Variants in KCNMA1 observed in about 807,000 individuals in gnomAD.
KCNMA1 encodes the protein potassium calcium-activated channel subfamily M alpha 1, also known as Calcium-activated potassium channel subunit alpha-1.
In KCNMA1, 29 loss-of-function variants were observed where a neutral mutation model predicts 140.0. The observed-to-expected ratio is 0.21, with a 90% confidence interval of 0.15 to 0.28. The LOEUF is 0.28. KCNMA1 is among the 10% of genes least tolerant of loss of function. The pLI, the probability that KCNMA1 is intolerant of heterozygous loss-of-function variation, is 1.00. For synonymous variants in KCNMA1, 612 were observed against 611.9 expected (o/e 1.00, Z 0.00); for missense variants, 880 against 1,602.2 (o/e 0.55, Z 7.70).
At chr10:77,617,282 A>G (rs2089915470) in intron 1 of KCNMA1, among the ~76,000 whole-genome samples, 1 of 152,152 alleles carries the variant, frequency 6.6e-6, no homozygotes, top group Admixed American at 6.5e-5. Flanking sequence ...TTCCACTCTC[A>G]ATGCTCCAGG....
chr10:77,027,760 G>T, intron 16 of KCNMA1, 63 bp downstream of exon 16: 1 of 1,311,476 alleles, frequency 7.6e-7, no homozygotes, highest in Non-Finnish European at 1.1e-6. Context: ...TGAACCGACC[G>T]TTCTCAGAAC....
At chr10:77,434,747 G>A (rs1603618752) in intron 1 of KCNMA1, among the ~76,000 whole-genome samples, 1 of 152,180 alleles carries the variant, frequency 6.6e-6, no homozygotes, top group African/African-American at 2.4e-5. Context: ...TTGGCTAGTG[G>A]GAGATTCCCC....
intron 1 of KCNMA1, among the ~76,000 whole-genome samples, chr10:77,599,266 T>G (rs2081899541): frequency 6.6e-6 from 1 of 152,244 alleles, no homozygotes; most frequent in South Asian, 2.1e-4. Context: ...TTATTTGCTG[T>G]TGGTCTATCA....
At chr10:77,391,646 T>C (rs1013408257) in intron 2 of KCNMA1, among the ~76,000 whole-genome samples, 1 of 149,248 alleles carries the variant, frequency 6.7e-6, no homozygotes, top group African/African-American at 2.6e-5. Context: ...GTTTGTTTGT[T>C]TTTTTCTGGA....
intron 24 of KCNMA1, 192 bp from the exon 25 acceptor site, chr10:76,910,288 A>C (rs1001564252): frequency 4.9e-6 from 3 of 612,278 alleles, no homozygotes; most frequent in Non-Finnish European, 8.7e-6. Context: ...GTCACTGTTT[A>C]AGTGTCTGAG....
At chr10:77,613,182 AT>A (rs1477847663) in intron 1 of KCNMA1, among the ~76,000 whole-genome samples, 17 of 152,114 alleles carry the variant, frequency 1.1e-4, no homozygotes, top group South Asian at 2.1e-4. Flanking sequence ...ACCAGCTAAG[AT>A]GTAAAGTGGC....
chr10:77,480,371 A>C (rs1195124854), intron 1 of KCNMA1, among the ~76,000 whole-genome samples: 2 of 152,204 alleles, frequency 1.3e-5, no homozygotes, highest in Non-Finnish European at 2.9e-5. Flanking sequence ...GGCAAATCCC[A>C]GTCATAAAAC....
intron 9 of KCNMA1, among the ~76,000 whole-genome samples, chr10:77,106,481 G>A (rs1212966104): frequency 6.6e-6 from 1 of 151,946 alleles, no homozygotes; most frequent in Admixed American, 6.6e-5. Context: ...ACCGAAAGCT[G>A]CCGGCCTCCA....
At chr10:77,317,803 G>A (rs932400751) in intron 2 of KCNMA1, among the ~76,000 whole-genome samples, 2 of 152,218 alleles carry the variant, frequency 1.3e-5, no homozygotes, top group Non-Finnish European at 2.9e-5. Flanking sequence ...ATAAACCTCT[G>A]AATGCAGCAA....
chr10:77,179,333 GTC>G (rs1206435089), intron 5 of KCNMA1, among the ~76,000 whole-genome samples: 2 of 152,298 alleles, frequency 1.3e-5, no homozygotes, highest in East Asian at 1.9e-4. Flanking sequence ...TTAAGCCCCA[GTC>G]TCTCTGTCCC....
chr10:77,069,588 GAT>G (rs1184850343), intron 14 of KCNMA1, among the ~76,000 whole-genome samples: 1 of 152,094 alleles, frequency 6.6e-6, no homozygotes. Context: ...TACCCCCAAA[GAT>G]ATGGGGGTAT....
intron 23 of KCNMA1, among the ~76,000 whole-genome samples, chr10:76,932,684 G>T (rs112600613): frequency 1.3e-5 from 2 of 152,170 alleles, no homozygotes; most frequent in Non-Finnish European, 2.9e-5. Flanking sequence ...ATGATGGACA[G>T]AACCAGGATT....
intron 11 of KCNMA1, 125 bp from the exon 12 acceptor site, chr10:77,084,844 A>G: frequency 2.8e-6 from 2 of 703,052 alleles, no homozygotes; most frequent in Non-Finnish European, 5.0e-6. Flanking sequence ...CAATCCTGAG[A>G]GCCTGAGAGA....
intron 1 of KCNMA1, among the ~76,000 whole-genome samples, chr10:77,541,221 A>G (rs951365041): frequency 6.6e-6 from 1 of 152,196 alleles, no homozygotes; most frequent in African/African-American, 2.4e-5. Context: ...TACCTATTAA[A>G]AGACAGAGAT....
chr10:77,496,639 G>A (rs192255136), intron 1 of KCNMA1, among the ~76,000 whole-genome samples: 11 of 147,210 alleles, frequency 7.5e-5, no homozygotes, highest in Admixed American at 6.1e-4. Flanking sequence ...CAGGTTGAGC[G>A]CCCTGTCAGA....
intron 5 of KCNMA1, 70 bp downstream of exon 5, chr10:77,183,351 C>T: frequency 1.0e-6 from 1 of 986,632 alleles, no homozygotes; most frequent in Admixed American, 1.7e-5. Flanking sequence ...GCCCCCTCAT[C>T]CACTGCAAAT....
chr10:77,279,855 A>G (rs377057874), intron 2 of KCNMA1, among the ~76,000 whole-genome samples: 1 of 152,212 alleles, frequency 6.6e-6, no homozygotes, highest in African/African-American at 2.4e-5. Context: ...CTGCTGCCAT[A>G]TAAGACTTGC....
chr10:77,426,048 G>A (rs673831), intron 1 of KCNMA1, among the ~76,000 whole-genome samples: 2,315 of 152,252 alleles, frequency 0.015, 29 homozygotes, highest in South Asian at 0.049. Flanking sequence ...CAGAATAATC[G>A]GGGCCTGGCT....
intron 1 of KCNMA1, among the ~76,000 whole-genome samples, chr10:77,570,752 G>A (rs1047634122): frequency 7.2e-6 from 1 of 138,614 alleles, no homozygotes; most frequent in Non-Finnish European, 1.6e-5. Flanking sequence ...ATAAAAAAAA[G>A]AAATTACTTT....
Sources: allele counts gnomAD v4.1 joint callset (sites outside exome capture counted in the v4.1 genomes callset), GRCh38; gene constraint gnomAD v4.1.1; transcripts MANE v1.5; gene names NCBI Gene and HGNC (gene_info 2026-07-23, HGNC 2026-07-21).